The following COL23A1 variants were observed in gnomAD, a reference collection of about 807,000 sequenced individuals.
The protein encoded by COL23A1 is collagen type XXIII alpha 1 chain, also known as collagen alpha-1(XXIII) chain.
COL23A1 carries 97 observed loss-of-function variants against 99.3 expected under a neutral mutation model. The ratio of observed to expected loss-of-function variants is 0.98; its 90% CI spans 0.83 to 1.16. The LOEUF is 1.16. COL23A1 is among the 50% of genes most tolerant of loss of function. The pLI is 0.00. For missense variants in COL23A1, 762 were observed against 757.4 expected, an observed-to-expected ratio of 1.01 and a Z score of -0.07; for synonymous variants, 320 against 308.2, an observed-to-expected ratio of 1.04 and a Z score of -0.40.
chr5:178,430,525 C>T (rs1293447086), intron 2 of COL23A1, among the ~76,000 whole-genome samples: 27 of 152,164 alleles, frequency 1.8e-4, no homozygotes, highest in Non-Finnish European at 7.3e-5. Context: ...TACCCTGGCT[C>T]TCACCTCCGT....
intron 2 of COL23A1, among the ~76,000 whole-genome samples, chr5:178,425,109 C>T (rs532546063): frequency 6.6e-6 from 1 of 152,346 alleles, no homozygotes; most frequent in Admixed American, 6.5e-5. Flanking sequence ...GCAAAGCAGC[C>T]TGTAAAATCC....
At chr5:178,398,465 A>G (rs942659608) in intron 2 of COL23A1, among the ~76,000 whole-genome samples, 13 of 152,184 alleles carry the variant, frequency 8.5e-5, no homozygotes, top group African/African-American at 2.9e-4. Context: ...CATCTCTACT[A>G]AAAATACAAA....
intron 1 of COL23A1, among the ~76,000 whole-genome samples, chr5:178,577,492 C>T (rs1307881004): frequency 6.6e-6 from 1 of 152,234 alleles, no homozygotes; most frequent in East Asian, 1.9e-4. Context: ...GGGGGAAGCT[C>T]AGGCACTCAC....
chr5:178,377,327 T>C (rs966913976), intron 2 of COL23A1, among the ~76,000 whole-genome samples: 1 of 152,114 alleles, frequency 6.6e-6, no homozygotes, highest in Non-Finnish European at 1.5e-5. Context: ...TGTTCCTCCT[T>C]CCTTTTCCAA....
At chr5:178,380,308 C>A (rs1763310028) in intron 2 of COL23A1, among the ~76,000 whole-genome samples, 1 of 152,096 alleles carries the variant, frequency 6.6e-6, no homozygotes, top group Non-Finnish European at 1.5e-5. Flanking sequence ...TCCAATGTGG[C>A]ACACCAAGGC....
intron 2 of COL23A1, among the ~76,000 whole-genome samples, chr5:178,353,380 C>T (rs921533053): frequency 3.3e-5 from 5 of 152,024 alleles, no homozygotes; most frequent in African/African-American, 1.2e-4. Flanking sequence ...TTTCATGATG[C>T]AAACACAAAA....
At chr5:178,482,165 A>G (rs1186118062) in intron 2 of COL23A1, among the ~76,000 whole-genome samples, 1 of 152,208 alleles carries the variant, frequency 6.6e-6, no homozygotes, top group Non-Finnish European at 1.5e-5. Context: ...CAACGTTCAC[A>G]GCAGCACTAT....
intron 12 of COL23A1, 37 bp downstream of exon 12, chr5:178,259,684 A>C (rs1262623921): frequency 1.9e-6 from 3 of 1,593,790 alleles, no homozygotes. Flanking sequence ...CCACTTCCCA[A>C]CACTGACCCG....
intron 2 of COL23A1, among the ~76,000 whole-genome samples, chr5:178,545,914 C>T (rs1192113347): frequency 6.6e-6 from 1 of 152,184 alleles, no homozygotes; most frequent in African/African-American, 2.4e-5. Flanking sequence ...CCATAGGGTA[C>T]ATCGTATTAC....
At chr5:178,248,346 G>A in intron 19 of COL23A1, 92 bp from the exon 20 acceptor site, 1 of 949,870 alleles carries the variant, frequency 1.1e-6, no homozygotes, top group Non-Finnish European at 1.6e-6. Context: ...TCCCCCATGT[G>A]GCTCCTGAGA....
chr5:178,578,380 T>C (rs1406215306), intron 1 of COL23A1, among the ~76,000 whole-genome samples: 4 of 152,278 alleles, frequency 2.6e-5, no homozygotes, highest in African/African-American at 9.6e-5. Flanking sequence ...CTTCCCTTCC[T>C]GACTGCACCA....
chr5:178,502,502 C>T (rs1194319826), intron 2 of COL23A1, among the ~76,000 whole-genome samples: 1 of 152,164 alleles, frequency 6.6e-6, no homozygotes, highest in Non-Finnish European at 1.5e-5. Context: ...ATGGAAAGAT[C>T]CTCAGTGTCC....
At chr5:178,463,665 C>T (rs1226059885) in intron 2 of COL23A1, among the ~76,000 whole-genome samples, 3 of 152,178 alleles carry the variant, frequency 2.0e-5, no homozygotes, top group Admixed American at 6.5e-5. Flanking sequence ...GAGAGGCGAG[C>T]GGGACACAGG....
chr5:178,402,922 G>GT (rs34031435), intron 2 of COL23A1, among the ~76,000 whole-genome samples: 49,560 of 151,062 alleles, frequency 0.33, 8,456 homozygotes, highest in South Asian at 0.45. Context: ...ACACAAAAAC[G>GT]TGAGTGAATG....
At chr5:178,497,128 G>A (rs1193627279) in intron 2 of COL23A1, among the ~76,000 whole-genome samples, 1 of 152,144 alleles carries the variant, frequency 6.6e-6, no homozygotes, top group African/African-American at 2.4e-5. Context: ...CTTTGAGTCA[G>A]TACTGCTACC....
chr5:178,367,491 TGG>T (rs1762551112), intron 2 of COL23A1, among the ~76,000 whole-genome samples: 1 of 152,178 alleles, frequency 6.6e-6, no homozygotes, highest in Non-Finnish European at 1.5e-5. Flanking sequence ...TGTGGTAGAC[TGG>T]GGCTTCCCTT....
chr5:178,411,790 A>AC, intron 2 of COL23A1, among the ~76,000 whole-genome samples: 1 of 152,360 alleles, frequency 6.6e-6, no homozygotes, highest in East Asian at 1.9e-4. Context: ...ATTTCACCTC[A>AC]ATATTCAACC....
chr5:178,295,392 T>C (rs76272156), intron 3 of COL23A1, among the ~76,000 whole-genome samples: 21,058 of 152,254 alleles, frequency 0.14, 1,949 homozygotes, highest in East Asian at 0.45. Context: ...TTAACTTTTG[T>C]AGCTATAAGT....
chr5:178,264,926 G>A (rs919914414), intron 8 of COL23A1, among the ~76,000 whole-genome samples: 5 of 152,160 alleles, frequency 3.3e-5, no homozygotes, highest in Non-Finnish European at 4.4e-5. Context: ...GATTACAGGC[G>A]TGAGCCACTG....
Sources: allele counts gnomAD v4.1 joint callset (sites outside exome capture counted in the v4.1 genomes callset), GRCh38; gene constraint gnomAD v4.1.1; transcripts MANE v1.5; gene names NCBI Gene and HGNC (gene_info 2026-07-23, HGNC 2026-07-21).